The following DLGAP2 variants were observed in gnomAD, a reference collection of about 807,000 sequenced individuals.
The protein encoded by DLGAP2 is DLG associated protein 2, also known as disks large-associated protein 2.
DLGAP2 carries 26 observed loss-of-function variants against 100.3 expected under a neutral mutation model. The observed-to-expected ratio is 0.26, with a 90% confidence interval of 0.19 to 0.36. DLGAP2 has a LOEUF of 0.36. DLGAP2 is among the 10% of genes least tolerant of loss of function. The pLI, the probability that DLGAP2 is intolerant of heterozygous loss-of-function variation, is 1.00. For synonymous variants in DLGAP2, 886 were observed against 630.1 expected (o/e 1.41, Z -6.08); for missense variants, 1,858 against 1,453.2 (o/e 1.28, Z -4.53).
intron 6 of DLGAP2, 58 bp downstream of exon 6, chr8:1,565,952 C>T (rs1802383438): frequency 6.9e-7 from 1 of 1,448,936 alleles, no homozygotes; most frequent in Non-Finnish European, 9.3e-7. Context: ...TGCGAGCTCC[C>T]TCTCCAAAAC....
At chr8:825,240 G>C (rs374169254) in intron 1 of DLGAP2, among the ~76,000 whole-genome samples, 1 of 152,234 alleles carries the variant, frequency 6.6e-6, no homozygotes, top group Admixed American at 6.5e-5. Context: ...AAGTACCTGT[G>C]GTTCAGCCAC....
chr8:1,305,850 G>A (rs533128112), intron 3 of DLGAP2, among the ~76,000 whole-genome samples: 3 of 152,264 alleles, frequency 2.0e-5, no homozygotes, highest in South Asian at 4.1e-4. Flanking sequence ...GTGAGGTCAG[G>A]AACAAGGCAA....
At chr8:868,436 C>G (rs189230477) in intron 1 of DLGAP2, among the ~76,000 whole-genome samples, 1 of 152,320 alleles carries the variant, frequency 6.6e-6, no homozygotes, top group East Asian at 1.9e-4. Context: ...ACGACACTCA[C>G]AGAAACATCT....
intron 2 of DLGAP2, among the ~76,000 whole-genome samples, chr8:1,056,360 G>A (rs1802883984): frequency 6.6e-6 from 1 of 152,102 alleles, no homozygotes; most frequent in South Asian, 2.1e-4. Context: ...CCAGCTCTGT[G>A]TGTCCTCTGT....
At chr8:1,304,151 A>G (rs1800433605) in intron 3 of DLGAP2, among the ~76,000 whole-genome samples, 1 of 152,204 alleles carries the variant, frequency 6.6e-6, no homozygotes, top group South Asian at 2.1e-4. Context: ...AGCCACTGGA[A>G]TGTTCCATGG....
intron 2 of DLGAP2, among the ~76,000 whole-genome samples, chr8:976,292 A>G (rs1395097472): frequency 2.0e-5 from 3 of 152,204 alleles, no homozygotes; most frequent in East Asian, 1.9e-4. Context: ...ATCGGCCAAT[A>G]GAACACAATG....
intron 2 of DLGAP2, among the ~76,000 whole-genome samples, chr8:966,556 A>T (rs1336248703): frequency 1.3e-5 from 2 of 152,144 alleles, no homozygotes; most frequent in African/African-American, 4.8e-5. Flanking sequence ...CAAACTTTTT[A>T]AAAAATGACA....
intron 4 of DLGAP2, among the ~76,000 whole-genome samples, chr8:1,544,811 C>T (rs1039622333): frequency 1.3e-5 from 2 of 151,138 alleles, no homozygotes; most frequent in African/African-American, 4.9e-5. Flanking sequence ...TGGCTCATTG[C>T]AACTTCTGCC....
intron 2 of DLGAP2, among the ~76,000 whole-genome samples, chr8:961,813 A>G (rs1235986640): frequency 6.6e-6 from 1 of 152,210 alleles, no homozygotes; most frequent in Admixed American, 6.5e-5. Flanking sequence ...TCTGGTAGAA[A>G]TAAGGGCAGG....
chr8:1,258,716 AG>A (rs1394938336), intron 2 of DLGAP2, 134 bp from the exon 3 acceptor site: 1 of 663,068 alleles, frequency 1.5e-6, no homozygotes, highest in Non-Finnish European at 2.1e-6. Context: ...TGTTTATGGA[AG>A]GGTCCACTGG....
chr8:1,294,940 T>C (rs35608698), intron 3 of DLGAP2, among the ~76,000 whole-genome samples: 151,393 of 151,852 alleles, frequency 1, 75,474 homozygotes, highest in Middle Eastern at 1. Flanking sequence ...GACTTGTATA[T>C]TGGATATGAT....
intron 1 of DLGAP2, among the ~76,000 whole-genome samples, chr8:881,666 A>ATGTATATATATATATATATATACACAC: frequency 1.5e-5 from 2 of 131,046 alleles, no homozygotes; most frequent in Non-Finnish European, 1.7e-5. Context: ...CTTGTGGCTG[A>ATGTATATATATATATATATATACACAC]ACACACACAC....
intron 3 of DLGAP2, among the ~76,000 whole-genome samples, chr8:1,368,305 A>G (rs963659068): frequency 7.9e-5 from 12 of 151,536 alleles, no homozygotes; most frequent in African/African-American, 2.9e-4. Context: ...GTGTATGTGC[A>G]TGTGCATAGC....
chr8:854,578 G>T (rs1797241199), intron 1 of DLGAP2, among the ~76,000 whole-genome samples: 1 of 150,240 alleles, frequency 6.7e-6, no homozygotes, highest in Non-Finnish European at 1.5e-5. Context: ...GCATATGTTT[G>T]TGTGTTCATG....
At chr8:899,609 C>A (rs983046898) in intron 1 of DLGAP2, among the ~76,000 whole-genome samples, 2 of 152,228 alleles carry the variant, frequency 1.3e-5, no homozygotes, top group Non-Finnish European at 2.9e-5. Flanking sequence ...CATTATCAAA[C>A]AAATATGGAA....
chr8:1,027,346 T>A (rs539428754), intron 2 of DLGAP2, among the ~76,000 whole-genome samples: 1 of 143,580 alleles, frequency 7.0e-6, no homozygotes, highest in Non-Finnish European at 1.5e-5. Context: ...TCTCCAGGTG[T>A]GGTACCAGGT....
chr8:1,557,647 A>C (rs1802012972), intron 5 of DLGAP2, among the ~76,000 whole-genome samples: 1 of 152,100 alleles, frequency 6.6e-6, no homozygotes, highest in South Asian at 2.1e-4. Flanking sequence ...AGGCACATTC[A>C]TTCCGCAGGG....
intron 3 of DLGAP2, among the ~76,000 whole-genome samples, chr8:1,381,825 T>TGTGTGTGTGTG (rs1247904894): frequency 2.1e-4 from 21 of 101,462 alleles, no homozygotes; most frequent in African/African-American, 5.8e-4. Context: ...GTGTGTGTGT[T>TGTGTGTGTGTG]TGTATCACAT....
intron 3 of DLGAP2, among the ~76,000 whole-genome samples, chr8:1,355,118 A>T (rs117572112): frequency 0.014 from 2,100 of 152,306 alleles, 23 homozygotes; most frequent in Middle Eastern, 0.051. Flanking sequence ...AAGTCACGGA[A>T]ATGTGCGTTG....
Sources: gnomAD v4.1 joint callset for allele counts (sites outside exome capture counted in the v4.1 genomes callset) on GRCh38, gnomAD v4.1.1 for gene constraint, MANE v1.5 for transcripts, NCBI Gene and HGNC (gene_info 2026-07-23, HGNC 2026-07-21) for gene names.